The following ENTPD1 variants were observed in gnomAD, a reference collection of about 807,000 sequenced individuals.
ENTPD1 encodes ectonucleoside triphosphate diphosphohydrolase 1, also known as ATP diphosphohydrolase.
Under a neutral mutation model 57.0 loss-of-function variants are expected in ENTPD1, and 33 were observed. The observed-to-expected ratio is 0.58, with a 90% CI of 0.44 to 0.77. The LOEUF is 0.77. Ranked by LOEUF, ENTPD1 falls within the 30% of genes least tolerant of loss-of-function variation. ENTPD1 has a pLI of 0.00. For missense variants in ENTPD1, 501 were observed against 603.4 expected (o/e 0.83, Z 1.78); for synonymous variants, 202 against 218.8 (o/e 0.92, Z 0.68).
intron 1 of ENTPD1, among the ~76,000 whole-genome samples, chr10:95,778,623 T>C (rs2098143506): frequency 6.6e-6 from 1 of 152,228 alleles, no homozygotes; most frequent in South Asian, 2.1e-4. Flanking sequence ...AACCTTTTTG[T>C]TAAAATTTCT....
chr10:95,752,426 G>A (rs2098013526), upstream of ENTPD1, among the ~76,000 whole-genome samples: 1 of 152,078 alleles, frequency 6.6e-6, no homozygotes, highest in Non-Finnish European at 1.5e-5. Context: ...AGGCCGAGGT[G>A]GGCAGATCAC....
chr10:95,740,420 C>T (rs923785711), intron 1 of ENTPD1, among the ~76,000 whole-genome samples: 9 of 152,176 alleles, frequency 5.9e-5, no homozygotes, highest in Admixed American at 2.0e-4. Flanking sequence ...CCACTGCACC[C>T]GGCCCATTTA....
rs1388077935 is a variant in ENTPD1, at chr10:95,871,112, G to A, written c.*4729G>A. Reference sequence around the variant, plus strand: ...TCACAGGCTATTGTAAGTCATATGAGCAAGCTCAATAAAATATAAACAAGT... The same window carrying A: ...TCACAGGCTATTGTAAGTCATATGAACAAGCTCAATAAAATATAAACAAGT... On this transcript the variant is annotated 3_prime_UTR_variant, in exon 10 of 10. Transcript: ENST00000371205. 2 of 985,310 alleles carry A rather than the reference G, an allele frequency of 2.0e-6. No homozygotes were observed. Among genetic ancestry groups the A allele is most frequent in the Non-Finnish European group, 2.4e-6 (2 of 829,936 alleles). 61.0% of individuals were successfully genotyped at this position (985,310 alleles called of 1,614,324 possible).
chr10:95,869,252 T>A lies in ENTPD1; in HGVS notation c.*2869T>A. 1.0e-6 allele frequency: 1 copy of A among 963,680 alleles called. No homozygotes were observed. The highest frequency in any genetic ancestry group is 1.2e-6 in the Non-Finnish European group (1 of 817,424). The allele number at this position is 963,680 out of a possible 1,614,324, so 59.7% of individuals were successfully genotyped here. A position where few individuals can be genotyped will look rare whatever the true frequency, so the allele number is the denominator to read the frequency against. On this transcript the variant is annotated 3_prime_UTR_variant, in exon 10 of 10. Coordinates refer to ENST00000371205, the MANE Select transcript of ENTPD1 (RefSeq NM_001776.6). ...AGCAGAAGTCATTACTTTTTTTTTT[T>A]TTTTTTTTTTTTTTTGAGAGAGAGT...
At chr10:95,775,914 G>T (rs1381568658) in intron 1 of ENTPD1, among the ~76,000 whole-genome samples, 1 of 152,076 alleles carries the variant, frequency 6.6e-6, no homozygotes, top group Non-Finnish European at 1.5e-5. Context: ...TGTCTCTTTT[G>T]ATCTTTGTTG....
chr10:95,710,928 G>A (rs117753268), upstream of ENTPD1, among the ~76,000 whole-genome samples: 2 of 151,946 alleles, frequency 1.3e-5, no homozygotes, highest in Non-Finnish European at 2.9e-5. Flanking sequence ...AGCCTCTTTC[G>A]CAGATAGCTG....
Position 95,866,424 on chromosome 10 carries a change from A to G in ENTPD1, c.*41A>G. 1 of 1,612,130 alleles carries G rather than the reference A, an allele frequency of 6.2e-7. No homozygotes were observed. The highest frequency in any genetic ancestry group is 8.5e-7 in the Non-Finnish European group (1 of 1,179,102). ...TATGCTGGCTGGAGTGAGGAAAAAA[A>G]TCGTCCAGGGAGCATTTTCCTCCAT... On this transcript the variant is annotated 3_prime_UTR_variant, in exon 10 of 10. Transcript: ENST00000371205.
intron 1 of ENTPD1, among the ~76,000 whole-genome samples, chr10:95,736,253 C>T (rs906893942): frequency 7.2e-5 from 11 of 151,890 alleles, no homozygotes; most frequent in Non-Finnish European, 1.2e-4. Context: ...CCACCTGCCT[C>T]GGCCTCCCAA....
intron 1 of ENTPD1, among the ~76,000 whole-genome samples, chr10:95,749,913 T>G (rs2098009980): frequency 1.3e-5 from 2 of 152,114 alleles, no homozygotes; most frequent in South Asian, 4.1e-4. Flanking sequence ...CTGAAGAGTT[T>G]GAAGAGTAGA....
chr10:95,725,667 G>A (rs2097982850), intron 1 of ENTPD1, among the ~76,000 whole-genome samples: 1 of 152,164 alleles, frequency 6.6e-6, no homozygotes, highest in African/African-American at 2.4e-5. Flanking sequence ...TAAAAAAACT[G>A]AGTCCACAGG....
rs1054273620 is a variant in ENTPD1, at chr10:95,839,450, G to A, written c.145-241G>A. On this transcript the variant is annotated intron_variant, in intron 2 of 9. Coordinates refer to ENST00000371205, the MANE Select transcript of ENTPD1 (RefSeq NM_001776.6). ...AGCTTCTAAACAATACTGCTTCTTG[G>A]GCCCTGTTCTGCATAAGGTCTGAAT... 5.7e-6 allele frequency: 3 copies of A among 530,732 alleles called. No homozygotes were observed. The African/African-American group carries it at 5.7e-5, about 10-fold the overall frequency. 32.9% of individuals were successfully genotyped at this position (530,732 alleles called of 1,614,324 possible).
At position 95,872,329 on chromosome 10, in the gene ENTPD1, A is replaced by G; in HGVS notation, c.*5946A>G. On this transcript the variant is annotated 3_prime_UTR_variant, in exon 10 of 10. Transcript: ENST00000371205. ...AGGCTTTCAATGATCCATGGCCGCC[A>G]GCTCTCTCCAGGCTCATATCCCACT... is the stretch of plus-strand genomic sequence containing the variant. The G allele has an allele frequency of 1.0e-6, 1 of 985,390 alleles. No homozygotes were observed. Among genetic ancestry groups the G allele is most frequent in the Non-Finnish European group, 1.2e-6 (1 of 829,916 alleles). The allele number at this position is 985,390 out of a possible 1,614,324, so 61.0% of individuals were successfully genotyped here. A position where few individuals can be genotyped will look rare whatever the true frequency, so the allele number is the denominator to read the frequency against.
chr10:95,836,183 G>A (rs1357739687), intron 2 of ENTPD1, among the ~76,000 whole-genome samples: 1 of 152,064 alleles, frequency 6.6e-6, no homozygotes, highest in Non-Finnish European at 1.5e-5. Context: ...ATTGATCTAT[G>A]TATCTATTTC....
chr10:95,780,105 A>G (rs2098150818), intron 1 of ENTPD1, among the ~76,000 whole-genome samples: 1 of 152,218 alleles, frequency 6.6e-6, no homozygotes, highest in African/African-American at 2.4e-5. Context: ...AAGGAATTAT[A>G]TAATCTGCTG....
At chr10:95,793,135 C>T (rs1255203086) in intron 1 of ENTPD1, among the ~76,000 whole-genome samples, 1 of 152,144 alleles carries the variant, frequency 6.6e-6, no homozygotes, top group Non-Finnish European at 1.5e-5. Context: ...ATTTCAGTTC[C>T]CCTCCCACCA....
chr10:95,821,711 T>C (rs2098352133), intron 1 of ENTPD1, among the ~76,000 whole-genome samples: 1 of 152,192 alleles, frequency 6.6e-6, no homozygotes, highest in Admixed American at 6.5e-5. Flanking sequence ...TTTGTATTGT[T>C]TGGTCTGATG....
At chr10:95,734,077 G>A (rs1024856624) in intron 1 of ENTPD1, among the ~76,000 whole-genome samples, 10 of 152,138 alleles carry the variant, frequency 6.6e-5, no homozygotes, top group African/African-American at 1.4e-4. Flanking sequence ...GCACCAGGGC[G>A]TCCAGCTGAG....
At chr10:95,779,665 C>T (rs2098148731) in intron 1 of ENTPD1, among the ~76,000 whole-genome samples, 1 of 151,732 alleles carries the variant, frequency 6.6e-6, no homozygotes, top group Non-Finnish European at 1.5e-5. Flanking sequence ...GTGTGTTGTC[C>T]TTACTGGTTA....
At position 95,866,668 on chromosome 10, in the gene ENTPD1, A is replaced by G. The variant is rs1329676238; in HGVS notation, c.*285A>G. 1.6e-6 allele frequency: 2 copies of G among 1,258,622 alleles called. No individual in the cohort carries two copies. Among genetic ancestry groups the G allele is most frequent in the Non-Finnish European group, 2.0e-6 (2 of 989,932 alleles). 78.0% of individuals were successfully genotyped at this position (1,258,622 alleles called of 1,614,324 possible). On this transcript the variant is annotated 3_prime_UTR_variant, in exon 10 of 10. Coordinates refer to ENST00000371205, the MANE Select transcript of ENTPD1 (RefSeq NM_001776.6). Reference sequence around the variant, plus strand: ...GTTTTAAAGACCTGACACCTTTCATAATCTTTGCTTTATAAAAGAACAATA... The same window carrying G: ...GTTTTAAAGACCTGACACCTTTCATGATCTTTGCTTTATAAAAGAACAATA...
Sources: allele counts gnomAD v4.1 joint callset (sites outside exome capture counted in the v4.1 genomes callset), GRCh38; gene constraint gnomAD v4.1.1; transcripts MANE v1.5; gene names NCBI Gene and HGNC (gene_info 2026-07-23, HGNC 2026-07-21).